Variants in RNGTT observed in about 807,000 individuals in gnomAD.
RNGTT encodes the protein mRNA-capping enzyme.
RNGTT carries 33 observed loss-of-function variants against 79.3 expected under a neutral mutation model. The ratio of observed to expected loss-of-function variants is 0.42; its 90% CI spans 0.32 to 0.56. The LOEUF is 0.56. RNGTT is among the 20% of genes least tolerant of loss of function. RNGTT has a pLI of 0.17. For missense variants in RNGTT, 497 were observed against 739.1 expected (o/e 0.67, Z 3.80); for synonymous variants, 222 against 235.9 (o/e 0.94, Z 0.54).
At chr6:88,910,986 G>A (rs942598628) in intron 4 of RNGTT, among the ~76,000 whole-genome samples, 3 of 152,154 alleles carry the variant, frequency 2.0e-5, no homozygotes, top group Non-Finnish European at 4.4e-5. Context: ...GCTTATGGGA[G>A]TTCTAAACAT....
chr6:88,941,302 C>G lies in RNGTT; in HGVS notation c.65-122G>C, dbSNP rs1784839741. On this transcript the variant is annotated intron_variant, in intron 1 of 15. Transcript: ENST00000369485. Reference sequence around the variant, plus strand: ...TTTTTTTTTGAGACCAAGTGTCGCTCTGTCCCCCAGGATAGAGTGCAGTGG... The same window carrying G: ...TTTTTTTTTGAGACCAAGTGTCGCTGTGTCCCCCAGGATAGAGTGCAGTGG... 5 of 653,850 alleles carry G rather than the reference C, an allele frequency of 7.6e-6. No individual in the cohort carries two copies. The South Asian group carries it at 9.7e-5, about 13-fold the overall frequency. 40.5% of individuals were successfully genotyped at this position (653,850 alleles called of 1,614,324 possible).
At chr6:88,921,814 T>C (rs1356592981) in intron 4 of RNGTT, among the ~76,000 whole-genome samples, 1 of 151,986 alleles carries the variant, frequency 6.6e-6, no homozygotes, top group East Asian at 1.9e-4. Context: ...TAAAAAATAA[T>C]ACAAATTTAA....
intron 13 of RNGTT, among the ~76,000 whole-genome samples, chr6:88,696,499 T>C (rs533833718): frequency 1.2e-4 from 18 of 152,228 alleles, no homozygotes; most frequent in Admixed American, 4.6e-4. Context: ...GGGAGAATGA[T>C]TTATGTGGGA....
chr6:88,640,126 A>G (rs1175488837), intron 14 of RNGTT, among the ~76,000 whole-genome samples: 1 of 152,158 alleles, frequency 6.6e-6, no homozygotes, highest in East Asian at 1.9e-4. Context: ...GGCAGGGACC[A>G]TTTCAGTCTT....
chr6:88,832,978 G>A (rs778439118), intron 11 of RNGTT, among the ~76,000 whole-genome samples: 2 of 152,184 alleles, frequency 1.3e-5, no homozygotes, highest in Non-Finnish European at 2.9e-5. Context: ...CTGTTGGTGG[G>A]AGTGTAAATT....
intron 14 of RNGTT, among the ~76,000 whole-genome samples, chr6:88,646,173 A>G (rs2127775356): frequency 6.6e-6 from 1 of 152,352 alleles, no homozygotes. Context: ...ACCCCATCAA[A>G]AAGTGGGCAA....
chr6:88,780,651 T>C (rs1240931202), intron 12 of RNGTT, among the ~76,000 whole-genome samples: 1 of 151,890 alleles, frequency 6.6e-6, no homozygotes, highest in African/African-American at 2.4e-5. Context: ...ACTGGGGATA[T>C]GTTAGGTGTA....
intron 8 of RNGTT, among the ~76,000 whole-genome samples, chr6:88,885,851 T>G (rs533828902): frequency 7.9e-5 from 12 of 152,276 alleles, no homozygotes; most frequent in African/African-American, 2.6e-4. Context: ...ATTATGTGCC[T>G]CCTGAAATGA....
intron 11 of RNGTT, among the ~76,000 whole-genome samples, chr6:88,841,099 A>C (rs1258700741): frequency 6.6e-6 from 1 of 152,220 alleles, no homozygotes; most frequent in Non-Finnish European, 1.5e-5. Context: ...CCGTGGACAG[A>C]GCAGATGGTT....
chr6:88,752,013 T>TC (rs1582416791), intron 13 of RNGTT, among the ~76,000 whole-genome samples: 2 of 151,896 alleles, frequency 1.3e-5, no homozygotes, highest in African/African-American at 4.8e-5. Context: ...TTCCATACCC[T>TC]CCCCCCATAT....
intron 10 of RNGTT, among the ~76,000 whole-genome samples, chr6:88,845,330 C>T (rs1455220026): frequency 2.6e-5 from 4 of 152,192 alleles, no homozygotes; most frequent in African/African-American, 4.8e-5. Flanking sequence ...CTCAAATACA[C>T]TTTCCCTTGA....
At chr6:88,846,086 T>C (rs542855972) in intron 10 of RNGTT, among the ~76,000 whole-genome samples, 3 of 152,114 alleles carry the variant, frequency 2.0e-5, no homozygotes, top group Non-Finnish European at 4.4e-5. Flanking sequence ...ATACATAAAT[T>C]CACCAAACTT....
At chr6:88,803,560 G>C (rs1253110337) in intron 11 of RNGTT, among the ~76,000 whole-genome samples, 1 of 123,934 alleles carries the variant, frequency 8.1e-6, no homozygotes, top group Non-Finnish European at 1.6e-5. Flanking sequence ...CTGGGCAACA[G>C]AGTGAGACTC....
chr6:88,813,800 A>G (rs1780220957), intron 11 of RNGTT, among the ~76,000 whole-genome samples: 1 of 152,130 alleles, frequency 6.6e-6, no homozygotes. Context: ...TAAACTATCA[A>G]AGTATCCTAT....
At chr6:88,753,472 C>G (rs952088856) in intron 13 of RNGTT, among the ~76,000 whole-genome samples, 26 of 150,920 alleles carry the variant, frequency 1.7e-4, no homozygotes, top group Non-Finnish European at 3.5e-4. Context: ...CCACTGCACT[C>G]TAGCCTAGGC....
chr6:88,715,704 A>C (rs1414097171), intron 13 of RNGTT, among the ~76,000 whole-genome samples: 2 of 152,244 alleles, frequency 1.3e-5, no homozygotes, highest in Non-Finnish European at 2.9e-5. Context: ...TGACAAAAAC[A>C]AGAAATGGGG....
At chr6:88,883,010 T>A (rs1322249738) in intron 8 of RNGTT, among the ~76,000 whole-genome samples, 1 of 152,126 alleles carries the variant, frequency 6.6e-6, no homozygotes, top group African/African-American at 2.4e-5. Context: ...GGAAACTTTT[T>A]CTAAAGAAGC....
chr6:88,789,853 T>C (rs1779347102), intron 12 of RNGTT, among the ~76,000 whole-genome samples: 1 of 152,230 alleles, frequency 6.6e-6, no homozygotes, highest in Admixed American at 6.5e-5. Context: ...GTTCTCCACT[T>C]TATATACACT....
intron 12 of RNGTT, among the ~76,000 whole-genome samples, chr6:88,772,092 T>C (rs879257468): frequency 1.3e-5 from 2 of 152,002 alleles, no homozygotes; most frequent in Admixed American, 1.3e-4. Flanking sequence ...GGTGGGAGGA[T>C]TGCTTGAGCC....
Sources: allele counts gnomAD v4.1 joint callset (sites outside exome capture counted in the v4.1 genomes callset), GRCh38; gene constraint gnomAD v4.1.1; transcripts MANE v1.5; gene names NCBI Gene and HGNC (gene_info 2026-07-23, HGNC 2026-07-21).